UBR2: variants seen among roughly 807,000 people sequenced by gnomAD.
UBR2 encodes the protein E3 ubiquitin-protein ligase UBR2.
In UBR2, 92 loss-of-function variants were observed where a neutral mutation model predicts 247.9. That is an observed-to-expected ratio of 0.37 (90% CI 0.31 to 0.44). The LOEUF (loss-of-function observed/expected upper bound fraction) is 0.44, where lower values mean the gene tolerates loss of function less well. Ranked by LOEUF, UBR2 falls within the 20% of genes least tolerant of loss-of-function variation. The pLI is 1.00. For missense variants in UBR2, 1,613 were observed against 2,112.6 expected (o/e 0.76, Z 4.64); for synonymous variants, 672 against 693.5 (o/e 0.97, Z 0.49).
At chr6:42,619,908 T>G in intron 11 of UBR2, 3 of 844,404 alleles carry the variant, frequency 3.6e-6, no homozygotes, top group Non-Finnish European at 4.3e-6. Context: ...AAATTAAGCT[T>G]ATATGGTTTA....
intron 11 of UBR2, among the ~76,000 whole-genome samples, chr6:42,623,299 C>T (rs1213930937): frequency 2.0e-5 from 3 of 152,004 alleles, no homozygotes; most frequent in African/African-American, 2.4e-5. Context: ...CTAGTTTGCT[C>T]TAAGATGGTA....
At chr6:42,657,928 G>C (rs1478557684) in intron 26 of UBR2, 96 bp from the exon 27 acceptor site, 8 of 793,548 alleles carry the variant, frequency 1.0e-5, no homozygotes, top group South Asian at 1.8e-5. Flanking sequence ...ATGGGCAATA[G>C]GTGTTATAAG....
In UBR2 at chr6:42,652,005, AACTT is replaced by A; in HGVS notation, c.2566-17_2566-14del. ...GGCATTACTAATTCCCGGTCCAAATAACTTTATTTTTTATTAGGCAGAAGAAGCG... is the reference window on the plus strand; with the variant it reads ...GGCATTACTAATTCCCGGTCCAAATATATTTTTTATTAGGCAGAAGAAGCG... On this transcript the variant is annotated splice_polypyrimidine_tract_variant and intron_variant, in intron 23 of 46. Transcript: ENST00000372901. 1 of 1,580,802 alleles carries A rather than the reference AACTT, an allele frequency of 6.3e-7. No homozygotes were observed. Among genetic ancestry groups the A allele is most frequent in the Non-Finnish European group, 8.6e-7 (1 of 1,168,456 alleles).
chr6:42,650,465 A>G (rs1797049332), intron 23 of UBR2, 79 bp downstream of exon 23: 1 of 1,259,430 alleles, frequency 7.9e-7, no homozygotes. Context: ...CATGTTGCCC[A>G]GGCTAGAGTT....
At position 42,691,297 on chromosome 6, in the gene UBR2, A is replaced by C; in HGVS notation, c.*124A>C. ...TTTAAACTTTCCTTCCCAGTTTTAT[A>C]GTTTCTGGTTCTGAGGACTGATGAA... On this transcript the variant is annotated 3_prime_UTR_variant, in exon 47 of 47. Transcript: ENST00000372901. 1 of 1,374,972 alleles carries C rather than the reference A, an allele frequency of 7.3e-7. No homozygotes were observed. Among genetic ancestry groups the C allele is most frequent in the Non-Finnish European group, 1.0e-6 (1 of 1,000,646 alleles). 85.2% of individuals were successfully genotyped at this position (1,374,972 alleles called of 1,614,324 possible). A position where few individuals can be genotyped will look rare whatever the true frequency, so the allele number is the denominator to read the frequency against.
At chr6:42,619,449 A>ATTTTTTTTTTTTT (rs1422611425) in intron 11 of UBR2, 1 of 29,104 alleles carries the variant, frequency 3.4e-5, no homozygotes, top group Non-Finnish European at 6.7e-5. Context: ...ATATATATAT[A>ATTTTTTTTTTTTT]TATATTTTTT....
intron 2 of UBR2, among the ~76,000 whole-genome samples, chr6:42,574,696 CT>C (rs11305288): frequency 0.63 from 85,406 of 135,728 alleles, 26,135 homozygotes; most frequent in African/African-American, 0.7. Flanking sequence ...AGAAATTTTC[CT>C]TTTTTTTTTT....
chr6:42,663,150 C>A, intron 31 of UBR2, 108 bp from the exon 32 acceptor site: 1 of 944,868 alleles, frequency 1.1e-6, no homozygotes, highest in Non-Finnish European at 1.4e-6. Context: ...TTAAGATTTT[C>A]ATTTTTGAAC....
intron 2 of UBR2, among the ~76,000 whole-genome samples, chr6:42,580,239 G>A (rs1791793159): frequency 6.6e-6 from 1 of 152,096 alleles, no homozygotes; most frequent in Admixed American, 6.5e-5. Context: ...ATATCTTCTA[G>A]ATAATTTAGA....
intron 20 of UBR2, 113 bp downstream of exon 20, chr6:42,644,649 G>C (rs1161677013): frequency 2.5e-6 from 2 of 812,802 alleles, no homozygotes; most frequent in South Asian, 3.4e-5. Context: ...CTCAGTCTTA[G>C]GGGAAGAGAA....
chr6:42,564,794 T>C (rs1485474242), intron 1 of UBR2, among the ~76,000 whole-genome samples: 1 of 152,204 alleles, frequency 6.6e-6, no homozygotes. Flanking sequence ...AGTTAATTGC[T>C]TTTCCTGAGA....
At chr6:42,582,487 C>A (rs1791976099) in intron 2 of UBR2, among the ~76,000 whole-genome samples, 1 of 151,902 alleles carries the variant, frequency 6.6e-6, no homozygotes, top group Admixed American at 6.6e-5. Context: ...AGTGGAATTT[C>A]TGGGTAAAAG....
At chr6:42,576,399 T>C (rs1394128856) in intron 2 of UBR2, among the ~76,000 whole-genome samples, 1 of 152,138 alleles carries the variant, frequency 6.6e-6, no homozygotes, top group Non-Finnish European at 1.5e-5. Flanking sequence ...AATATTTGCT[T>C]ATTTAATTAT....
At chr6:42,666,323 A>AACCC (rs1798105231) in intron 34 of UBR2, 78 bp downstream of exon 34, 1 of 1,312,242 alleles carries the variant, frequency 7.6e-7, no homozygotes, top group Non-Finnish European at 1.1e-6. Flanking sequence ...GAGGAATATG[A>AACCC]TTTGGCAAGT....
At chr6:42,639,281 G>A (rs1485292904) in intron 15 of UBR2, among the ~76,000 whole-genome samples, 3 of 152,172 alleles carry the variant, frequency 2.0e-5, no homozygotes, top group Non-Finnish European at 4.4e-5. Context: ...TTAAGCAATA[G>A]CATAAACAAC....
intron 34 of UBR2, among the ~76,000 whole-genome samples, chr6:42,668,970 A>G (rs926091022): frequency 2.0e-5 from 3 of 148,716 alleles, no homozygotes; most frequent in African/African-American, 7.4e-5. Flanking sequence ...GTCACCCAGG[A>G]TGGAGTGCAG....
chr6:42,683,033 TC>T, intron 42 of UBR2, 21 bp from the exon 43 acceptor site: 1 of 1,607,580 alleles, frequency 6.2e-7, no homozygotes, highest in Admixed American at 1.7e-5. Context: ...TTTGTGTTTT[TC>T]CCCCTCTGTT....
chr6:42,645,357 TCAGA>T lies in UBR2; in HGVS notation c.2285-103_2285-100del, dbSNP rs1485867972. The T allele has an allele frequency of 6.6e-6, 7 of 1,053,658 alleles. No homozygotes were observed. In the East Asian group the frequency reaches 1.5e-4, roughly 23 times the overall value. The allele number at this position is 1,053,658 out of a possible 1,614,324, so 65.3% of individuals were successfully genotyped here. A position where few individuals can be genotyped will look rare whatever the true frequency, so the allele number is the denominator to read the frequency against. ...AGAACAGTCATTACTTTCCCATTGCTCAGACAGACTTAGAGAAATATAACATGCT... is the reference window on the plus strand; with the variant it reads ...AGAACAGTCATTACTTTCCCATTGCTCAGACTTAGAGAAATATAACATGCT... On this transcript the variant is annotated intron_variant, in intron 20 of 46. Transcript: ENST00000372901.
At position 42,663,224 on chromosome 6, in the gene UBR2, T is replaced by C. The variant is rs1040469943; in HGVS notation, c.3537-34T>C. The C allele has an allele frequency of 4.7e-6, 7 of 1,481,496 alleles. No homozygotes were observed. In the East Asian group the frequency reaches 7.5e-5, roughly 16 times the overall value. The allele number at this position is 1,481,496 out of a possible 1,614,324, so 91.8% of individuals were successfully genotyped here. Reference sequence around the variant, plus strand: ...TGGCTGTCATTTATGTAAATTACCATTGTTTTGATACCTCATGTTCTCTAA... The same window carrying C: ...TGGCTGTCATTTATGTAAATTACCACTGTTTTGATACCTCATGTTCTCTAA... On this transcript the variant is annotated intron_variant, in intron 31 of 46. Coordinates refer to ENST00000372901, the MANE Select transcript of UBR2 (RefSeq NM_001363705.2).
Sources: allele counts gnomAD v4.1 joint callset (sites outside exome capture counted in the v4.1 genomes callset), GRCh38; gene constraint gnomAD v4.1.1; transcripts MANE v1.5; gene names NCBI Gene and HGNC (gene_info 2026-07-23, HGNC 2026-07-21).